OPRM1: variants seen among roughly 807,000 people sequenced by gnomAD.
OPRM1 encodes the protein mu-type opioid receptor.
Under a neutral mutation model 31.8 loss-of-function variants are expected in OPRM1, and 27 were observed. The observed-to-expected ratio is 0.85, with a 90% CI of 0.63 to 1.17. The LOEUF is 1.17. OPRM1 is among the 50% of genes most tolerant of loss of function. The probability of loss-of-function intolerance (pLI) is 0.00; values close to 1 mark genes in which losing one functional copy is unlikely to be tolerated. For synonymous variants in OPRM1, 196 were observed against 189.9 expected (o/e 1.03, Z -0.26); for missense variants, 536 against 511.1 (o/e 1.05, Z -0.47).
intron 1 of OPRM1, among the ~76,000 whole-genome samples, chr6:154,059,334 G>T (rs2128431156): frequency 6.6e-6 from 1 of 152,264 alleles, no homozygotes; most frequent in East Asian, 1.9e-4. Context: ...ATTATTAGTG[G>T]AACTTCTATT....
rs1402359943 is a variant in OPRM1, at chr6:154,126,833, T to C, written c.*8112T>C. ...TTTCCCCAAATAAAAAAGTGCCTGC[T>C]GGGCGCGGTGGCTCACGCCTGTAAT... On this transcript the variant is annotated 3_prime_UTR_variant, in exon 4 of 4. Transcript: ENST00000330432. 6.6e-6 allele frequency among the ~76,000 whole-genome samples: 1 copy of C among 152,218 alleles called. No homozygotes were observed. The highest frequency in any genetic ancestry group is 2.4e-5 in the African/African-American group (1 of 41,542).
At position 154,132,125 on chromosome 6, in the gene OPRM1, C is replaced by A. The variant is rs974446635; in HGVS notation, c.*13404C>A. On this transcript the variant is annotated 3_prime_UTR_variant, in exon 4 of 4. Coordinates refer to ENST00000330432, the MANE Select transcript of OPRM1 (RefSeq NM_000914.5). ...TGCTAAATCATAATGGTCTCATGTG[C>A]AGATCAAAATGTCAACTAGTATATC... Among the ~76,000 whole-genome samples, 2 of 152,118 alleles carry A rather than the reference C, an allele frequency of 1.3e-5. No homozygotes were observed. The highest frequency in any genetic ancestry group is 2.9e-5 in the Non-Finnish European group (2 of 68,016).
At chr6:154,012,457 G>GC (rs1287919533) in intron 1 of OPRM1, among the ~76,000 whole-genome samples, 6 of 151,962 alleles carry the variant, frequency 3.9e-5, no homozygotes, top group Non-Finnish European at 7.4e-5. Flanking sequence ...CAAAACAGTG[G>GC]CCTTTATGGT....
chr6:154,150,475 C>T (rs1798470303), intron 3 of OPRM1, among the ~76,000 whole-genome samples: 1 of 152,202 alleles, frequency 6.6e-6, no homozygotes, highest in Non-Finnish European at 1.5e-5. Flanking sequence ...ATTGACAAAT[C>T]AGGCACCCAA....
intron 3 of OPRM1, among the ~76,000 whole-genome samples, chr6:154,215,600 C>G (rs533577383): frequency 1.8e-3 from 273 of 151,976 alleles, no homozygotes; most frequent in African/African-American, 6.2e-3. Context: ...GAGCGAAACT[C>G]CATCTCAAAA....
chr6:154,199,793 C>T (rs754576126), intron 3 of OPRM1: 1 of 1,614,202 alleles, frequency 6.2e-7, no homozygotes, highest in South Asian at 1.1e-5. Context: ...TGTGACAAAA[C>T]TGTTTTCCAG....
chr6:154,211,183 G>A lies in OPRM1; in HGVS notation c.1165-35510G>A, dbSNP rs1003919754. Among the ~76,000 whole-genome samples the A allele has an allele frequency of 9.9e-5, 15 of 152,208 alleles. 1 individual carries two copies. In the East Asian group the frequency reaches 2.7e-3, roughly 27 times the overall value. ...TGTAATCCCAGCACTTTGGGAGGCC[G>A]AGGCAGGCGGATCATGAGGTCAGGA... On this transcript the variant is annotated intron_variant, in intron 3 of 3. Transcript: ENST00000337049.
At chr6:154,159,313 A>T (rs1798838630) in intron 3 of OPRM1, 1 of 163,314 alleles carries the variant, frequency 6.1e-6, no homozygotes. Context: ...ATTCCATACC[A>T]AAGGCAAGGA....
At chr6:154,194,418 A>G (rs1776423756) in intron 3 of OPRM1, among the ~76,000 whole-genome samples, 1 of 151,902 alleles carries the variant, frequency 6.6e-6, no homozygotes, top group South Asian at 2.1e-4. Flanking sequence ...TAAAATCCTC[A>G]CCTCTAAATT....
intron 3 of OPRM1, chr6:154,223,176 T>C: frequency 6.2e-7 from 1 of 1,613,440 alleles, no homozygotes; most frequent in Non-Finnish European, 8.5e-7. Flanking sequence ...TTACTGCTTT[T>C]TCTTGCATTC....
At chr6:154,102,255 G>T (rs1794941144) in intron 3 of OPRM1, among the ~76,000 whole-genome samples, 1 of 149,374 alleles carries the variant, frequency 6.7e-6, no homozygotes. Context: ...TCATACTACT[G>T]ATGGGCTGAA....
At chr6:154,233,506 A>G (rs759964674) in intron 3 of OPRM1, among the ~76,000 whole-genome samples, 1 of 152,146 alleles carries the variant, frequency 6.6e-6, no homozygotes, top group Non-Finnish European at 1.5e-5. Context: ...TCTTACAAAC[A>G]CCTAGAAATA....
intron 3 of OPRM1, among the ~76,000 whole-genome samples, chr6:154,196,616 T>C (rs1427604604): frequency 6.6e-6 from 1 of 152,218 alleles, no homozygotes; most frequent in Admixed American, 6.5e-5. Context: ...GTGTGTGTTG[T>C]ACATATGTGA....
At chr6:154,188,157 G>A (rs1801548072) in intron 3 of OPRM1, among the ~76,000 whole-genome samples, 1 of 152,104 alleles carries the variant, frequency 6.6e-6, no homozygotes, top group Non-Finnish European at 1.5e-5. Context: ...AATTTAGAAA[G>A]TTTGATTCTT....
chr6:154,068,421 A>G (rs1450143778), intron 1 of OPRM1, among the ~76,000 whole-genome samples: 2 of 152,052 alleles, frequency 1.3e-5, no homozygotes, highest in African/African-American at 2.4e-5. Context: ...TGTGAGATCA[A>G]TTTTGTAGAT....
At chr6:154,182,309 C>T (rs1273461062) in intron 3 of OPRM1, among the ~76,000 whole-genome samples, 1 of 152,110 alleles carries the variant, frequency 6.6e-6, no homozygotes, top group Non-Finnish European at 1.5e-5. Context: ...GGCTCTTCTA[C>T]TGTATTATTG....
intron 1 of OPRM1, among the ~76,000 whole-genome samples, chr6:154,077,566 A>G (rs942362361): frequency 6.6e-6 from 1 of 151,646 alleles, no homozygotes; most frequent in African/African-American, 2.4e-5. Context: ...CCCCATCTCT[A>G]CTAAAAATAC....
intron 3 of OPRM1, among the ~76,000 whole-genome samples, chr6:154,100,748 C>G (rs919917962): frequency 2.0e-5 from 3 of 151,476 alleles, no homozygotes; most frequent in Non-Finnish European, 4.4e-5. Flanking sequence ...GTTTTCTATA[C>G]AGACACCAGA....
chr6:154,222,792 G>C lies in OPRM1; in HGVS notation c.1165-23901G>C, dbSNP rs114201907. 1.7e-3 allele frequency among the ~76,000 whole-genome samples: 258 copies of C among 152,278 alleles called. 2 individuals carry two copies. The highest frequency in any genetic ancestry group is 5.8e-3 in the African/African-American group (243 of 41,556). On this transcript the variant is annotated intron_variant, in intron 3 of 3. Coordinates refer to the OPRM1 transcript ENST00000337049. The stretch of plus-strand genomic sequence containing the variant: ...CTCCATGAACTAAGAAAGAAAAGCT[G>C]GTCTTGCTGGCGTATCTGCAACTCG...
Sources: allele counts gnomAD v4.1 joint callset (sites outside exome capture counted in the v4.1 genomes callset), GRCh38; gene constraint gnomAD v4.1.1; transcripts MANE v1.5; gene names NCBI Gene and HGNC (gene_info 2026-07-23, HGNC 2026-07-21).